The following BEST1 variants were observed in gnomAD, a reference collection of about 807,000 sequenced individuals.
The protein encoded by BEST1 is bestrophin-1.
Under a neutral mutation model 63.3 loss-of-function variants are expected in BEST1, and 58 were observed. That is an observed-to-expected ratio of 0.92 (90% confidence interval 0.74 to 1.14). The LOEUF is 1.14. Ranked by LOEUF, BEST1 falls within the 50% of genes most tolerant of loss-of-function variation. The pLI is 0.00. For synonymous variants in BEST1, 283 were observed against 291.6 expected (o/e 0.97, Z 0.30); for missense variants, 671 against 740.1 (o/e 0.91, Z 1.08).
chr11:61,957,797 T>C (rs1394327652), intron 6 of BEST1, among the ~76,000 whole-genome samples: 2 of 152,126 alleles, frequency 1.3e-5, no homozygotes, highest in East Asian at 3.9e-4. Context: ...GCCAACATGG[T>C]GAAACCCCAT....
rs767552540 is a variant in BEST1 at position 61,957,444 on chromosome 11, A to G, written c.694A>G (p.Ile232Val). 8 of 1,613,880 alleles carry G rather than the reference A, an allele frequency of 5.0e-6. No individual in the cohort carries two copies. The highest frequency in any genetic ancestry group is 4.4e-5 in the South Asian group (4 of 91,078). The part of the protein sequence containing the change: ...GHLYAYDWIS[I>V]PLVYTQVVTV... ...CCTGTATGCCTACGACTGGATTAGT[A>G]TCCCACTGGTGTATACACAGGTGAG... The change falls in exon 6 of 11, where the codon ATC (isoleucine) becomes GTC (valine). Residue 232 changes from isoleucine (I) to valine (V), a missense_variant. Physicochemically the swap from Ile to Val is conservative, Grantham distance 29. Transcript: ENST00000378043.
Position 61,955,881 on chromosome 11 carries a change from G to C in BEST1, c.411G>C (p.Val137=). The part of the protein sequence containing the change: ...TLIRYANLGN[V]LILRSVSTAV... ...TCCGCTACGCCAACCTGGGCAACGT[G>C]CTCATCCTGCGCAGCGTCAGCACCG... The change falls in exon 4 of 11, where the codon GTG becomes GTC. Residue 137 remains valine (V), a synonymous_variant. Coordinates refer to ENST00000378043, the MANE Select transcript of BEST1 (RefSeq NM_004183.4). 3.9e-6 allele frequency: 6 copies of C among 1,550,534 alleles called. No individual in the cohort carries two copies. The highest frequency in any genetic ancestry group is 4.4e-6 in the Non-Finnish European group (5 of 1,146,932).
At chr11:61,955,331 G>A (rs1383818544) in intron 3 of BEST1, 130 bp downstream of exon 3, 12 of 1,544,552 alleles carry the variant, frequency 7.8e-6, no homozygotes, top group Admixed American at 2.0e-5. Flanking sequence ...GCAGGTCGGC[G>A]CCTCTCTGTA....
rs60502990 is a variant in BEST1 at position 61,955,034 on chromosome 11, G to A, written c.153-73G>A. ...GCAGTCCCACTCCTACCCAGGGCCGGGCTAGACCTGGGGACAGTCTCAGCC... is the reference window on the plus strand; with the variant it reads ...GCAGTCCCACTCCTACCCAGGGCCGAGCTAGACCTGGGGACAGTCTCAGCC... On this transcript the variant is annotated intron_variant, in intron 2 of 10. Coordinates refer to ENST00000378043, the MANE Select transcript of BEST1 (RefSeq NM_004183.4). 5.3e-4 allele frequency: 841 copies of A among 1,597,406 alleles called. 4 individuals carry two copies. The African/African-American group carries it at 9.8e-3, about 19-fold the overall frequency.
chr11:61,954,487 T>C (rs1393534060), intron 2 of BEST1, among the ~76,000 whole-genome samples: 1 of 152,134 alleles, frequency 6.6e-6, no homozygotes, highest in African/African-American at 2.4e-5. Context: ...CTTTTTTTCT[T>C]TTTAGAGACA....
At position 61,964,011 on chromosome 11, in the gene BEST1, C is replaced by T. The variant is rs61613252; in HGVS notation, c.1740-93C>T. 1,225 of 1,546,264 alleles carry T rather than the reference C, an allele frequency of 7.9e-4. 12 individuals carry two copies. The African/African-American group carries it at 0.015, about 18-fold the overall frequency. On this transcript the variant is annotated intron_variant, in intron 10 of 10. Transcript: ENST00000378043. ...GTCTCAAAAAAAAAAAAAAAAGGATCGTCTCAACCTTTGCCCTCCTACTGC... is the reference window on the plus strand; with the variant it reads ...GTCTCAAAAAAAAAAAAAAAAGGATTGTCTCAACCTTTGCCCTCCTACTGC...
rs748873124 is a variant in BEST1 at position 61,951,799 on chromosome 11, G to A, written c.-8G>A. ...CCAAGCCCACCTGCTGCAGCCCACT[G>A]CCTGGCCATGACCATCACTTACACA... On this transcript the variant is annotated 5_prime_UTR_variant, in exon 2 of 11. Transcript: ENST00000378043. 1.8e-5 allele frequency: 29 copies of A among 1,611,502 alleles called. No homozygotes were observed. Among genetic ancestry groups the A allele is most frequent in the Non-Finnish European group, 2.3e-5 (27 of 1,179,990 alleles).
In BEST1 at chr11:61,955,162, G is replaced by C; in HGVS notation, c.208G>C (p.Asp70His). Residue 70 changes from aspartate (D) to histidine (H), a missense_variant, in exon 3 of 11, where the codon GAC (aspartate) becomes CAC (histidine). Coordinates refer to ENST00000378043, the MANE Select transcript of BEST1 (RefSeq NM_004183.4). ...GTTTGAGAAACTGACTCTGTATTGC[G>C]ACAGCTACATCCAGCTCATCCCCAT... ...LMFEKLTLYC[D>H]SYIQLIPISF... is the part of the protein sequence containing the mutation. 6.2e-7 allele frequency: 1 copy of C among 1,614,154 alleles called. No homozygotes were observed. Among genetic ancestry groups the C allele is most frequent in the South Asian group, 1.1e-5 (1 of 91,078 alleles).
In BEST1 at chr11:61,963,382, T is replaced by C. The variant is rs551581004; in HGVS notation, c.1739+489T>C. Reference sequence around the variant, plus strand: ...GAACTGCCTCACTCCTAGGAACTGGTAGATGGTGAGGTTGAGGGTGTCCAG... The same window carrying C: ...GAACTGCCTCACTCCTAGGAACTGGCAGATGGTGAGGTTGAGGGTGTCCAG... On this transcript the variant is annotated intron_variant, in intron 10 of 10. Coordinates refer to ENST00000378043, the MANE Select transcript of BEST1 (RefSeq NM_004183.4). 672 of 1,250,900 alleles carry C rather than the reference T, an allele frequency of 5.4e-4. 1 individual carries two copies. The highest frequency in any genetic ancestry group is 3.1e-3 in the Middle Eastern group (10 of 3,178). 77.5% of individuals were successfully genotyped at this position (1,250,900 alleles called of 1,614,324 possible).
downstream of BEST1, chr11:61,965,418 A>C (rs1454896629): frequency 6.2e-7 from 1 of 1,613,672 alleles, no homozygotes; most frequent in Admixed American, 1.7e-5. Flanking sequence ...CTGCAGCTTC[A>C]TCAGTTTCTC....
At chr11:61,965,282 A>C, downstream of BEST1, 1 of 1,593,218 alleles carries the variant, frequency 6.3e-7, no homozygotes, top group Non-Finnish European at 8.6e-7. Context: ...TCATCACTTT[A>C]TAAGGGCAAT....
chr11:61,956,315 C>T (rs1314781189), intron 4 of BEST1, among the ~76,000 whole-genome samples: 1 of 152,114 alleles, frequency 6.6e-6, no homozygotes, highest in East Asian at 1.9e-4. Flanking sequence ...GGACATTGGT[C>T]TCTGACACCC....
At chr11:61,956,221 C>A (rs1941338577) in intron 4 of BEST1, among the ~76,000 whole-genome samples, 1 of 151,982 alleles carries the variant, frequency 6.6e-6, no homozygotes, top group Non-Finnish European at 1.5e-5. Flanking sequence ...AGAAGGGTGA[C>A]GGCTTGGGAA....
chr11:61,955,878 C>G lies in BEST1; in HGVS notation c.408C>G (p.Asn136Lys). The G allele has an allele frequency of 6.4e-7, 1 of 1,550,578 alleles. No individual in the cohort carries two copies. Among genetic ancestry groups the G allele is most frequent in the South Asian group, 1.2e-5 (1 of 84,068 alleles). ...RTLIRYANLG[N>K]VLILRSVSTA... ...TCATCCGCTACGCCAACCTGGGCAA[C>G]GTGCTCATCCTGCGCAGCGTCAGCA... Residue 136 changes from asparagine to lysine, a missense_variant, in exon 4 of 11, where the codon AAC (asparagine) becomes AAG (lysine). Asn to Lys is a moderately conservative substitution (Grantham distance 94). Coordinates refer to ENST00000378043, the MANE Select transcript of BEST1 (RefSeq NM_004183.4).
chr11:61,954,229 C>A (rs1163589105), intron 2 of BEST1, among the ~76,000 whole-genome samples: 2 of 152,082 alleles, frequency 1.3e-5, no homozygotes, highest in Middle Eastern at 3.2e-3. Context: ...TGCCCCCAGC[C>A]TCCCCACTAT....
At chr11:61,955,619 G>T in intron 3 of BEST1, 99 bp from the exon 4 acceptor site, 1 of 1,346,766 alleles carries the variant, frequency 7.4e-7, no homozygotes, top group Non-Finnish European at 1.0e-6. Flanking sequence ...CCCGCTCGCA[G>T]CAGAAAGCTG....
chr11:61,952,054 C>A (rs1940733981), intron 2 of BEST1, 96 bp downstream of exon 2: 2 of 1,431,500 alleles, frequency 1.4e-6, no homozygotes, highest in South Asian at 1.2e-5. Flanking sequence ...GGCCAGTGTA[C>A]CAGTTCACTA....
intron 7 of BEST1, chr11:61,959,243 C>T (rs1235596824): frequency 1.8e-6 from 1 of 556,240 alleles, no homozygotes; most frequent in South Asian, 2.0e-5. Flanking sequence ...AGTGACTCAG[C>T]CGAGTGATAC....
At chr11:61,959,296 AAGAGTT>A in intron 7 of BEST1, 196 bp from the exon 8 acceptor site, 1 of 629,534 alleles carries the variant, frequency 1.6e-6, no homozygotes, top group Non-Finnish European at 2.9e-6. Flanking sequence ...ACTGGCTCAG[AAGAGTT>A]AGAGGGGCTG....
Sources: allele counts gnomAD v4.1 joint callset (sites outside exome capture counted in the v4.1 genomes callset), GRCh38; gene constraint gnomAD v4.1.1; transcripts MANE v1.5; gene names NCBI Gene and HGNC (gene_info 2026-07-23, HGNC 2026-07-21).